The following SLC9A9 variants were observed in gnomAD, a reference collection of about 807,000 sequenced individuals.
SLC9A9 encodes the protein solute carrier family 9 member A9, also known as sodium/hydrogen exchanger 9.
In SLC9A9, 62 loss-of-function variants were observed where a neutral mutation model predicts 77.8. The observed-to-expected ratio is 0.80, with a 90% CI of 0.65 to 0.98. SLC9A9 has a LOEUF of 0.98. Ranked by LOEUF, SLC9A9 falls within the 50% of genes least tolerant of loss-of-function variation. The pLI is 0.00. For missense variants in SLC9A9, 775 were observed against 774.9 expected, an observed-to-expected ratio of 1.00 and a Z score of 0.00; for synonymous variants, 320 against 283.5, an observed-to-expected ratio of 1.13 and a Z score of -1.29.
At chr3:143,278,560 T>C (rs1938120458) in intron 14 of SLC9A9, among the ~76,000 whole-genome samples, 1 of 152,212 alleles carries the variant, frequency 6.6e-6, no homozygotes. Flanking sequence ...CAGCAATCCT[T>C]GGTGTTCCCT....
At chr3:143,489,331 A>G (rs1045209704) in intron 11 of SLC9A9, among the ~76,000 whole-genome samples, 3 of 151,984 alleles carry the variant, frequency 2.0e-5, no homozygotes, top group African/African-American at 7.2e-5. Context: ...TGCAAATTCA[A>G]TGCAGTCCCT....
chr3:143,828,552 C>T (rs1159766446), intron 2 of SLC9A9, among the ~76,000 whole-genome samples: 1 of 152,020 alleles, frequency 6.6e-6, no homozygotes, highest in Non-Finnish European at 1.5e-5. Flanking sequence ...GAAACAAGCA[C>T]ATACCTACCC....
At chr3:143,544,396 T>G (rs1483561972) in intron 9 of SLC9A9, among the ~76,000 whole-genome samples, 5 of 152,002 alleles carry the variant, frequency 3.3e-5, no homozygotes, top group African/African-American at 1.2e-4. Flanking sequence ...TCGGCTAATT[T>G]TTTTGTATTT....
intron 12 of SLC9A9, among the ~76,000 whole-genome samples, chr3:143,465,320 A>G (rs2035264814): frequency 6.6e-6 from 1 of 152,200 alleles, no homozygotes; most frequent in African/African-American, 2.4e-5. Context: ...AAGCCCCACT[A>G]TAATACTCCC....
intron 5 of SLC9A9, among the ~76,000 whole-genome samples, chr3:143,652,993 T>C (rs1304789592): frequency 6.6e-6 from 1 of 152,152 alleles, no homozygotes; most frequent in African/African-American, 2.4e-5. Context: ...GGGTTCATCT[T>C]TGGACACATG....
intron 6 of SLC9A9, among the ~76,000 whole-genome samples, chr3:143,589,088 T>C (rs2037606073): frequency 6.6e-6 from 1 of 152,206 alleles, no homozygotes; most frequent in Middle Eastern, 3.2e-3. Context: ...TCCCCACGGT[T>C]GAAAATAGAG....
At chr3:143,725,851 C>T (rs1326107516) in intron 4 of SLC9A9, among the ~76,000 whole-genome samples, 3 of 150,096 alleles carry the variant, frequency 2.0e-5, no homozygotes, top group South Asian at 4.2e-4. Context: ...CTAACCTGCA[C>T]ATTGTGCACA....
chr3:143,612,490 C>T (rs2038038435), intron 6 of SLC9A9, among the ~76,000 whole-genome samples: 1 of 152,166 alleles, frequency 6.6e-6, no homozygotes, highest in Non-Finnish European at 1.5e-5. Context: ...CAACATGTTT[C>T]CAAGAGGCGT....
intron 14 of SLC9A9, among the ~76,000 whole-genome samples, chr3:143,317,875 C>T (rs542901165): frequency 1.3e-5 from 2 of 152,120 alleles, no homozygotes; most frequent in African/African-American, 2.4e-5. Context: ...CTACAGGCAC[C>T]CGCCACCACG....
chr3:143,441,528 T>C (rs2034734316), intron 12 of SLC9A9, among the ~76,000 whole-genome samples: 1 of 152,218 alleles, frequency 6.6e-6, no homozygotes, highest in East Asian at 1.9e-4. Context: ...CAAAGGCATC[T>C]TGGCAGTTAA....
At chr3:143,307,297 C>T (rs1049313467) in intron 14 of SLC9A9, among the ~76,000 whole-genome samples, 4 of 152,248 alleles carry the variant, frequency 2.6e-5, no homozygotes, top group African/African-American at 9.6e-5. Context: ...TACCAGCACA[C>T]CACTGGTTAA....
At chr3:143,819,796 A>C (rs933859156) in intron 2 of SLC9A9, among the ~76,000 whole-genome samples, 1 of 152,236 alleles carries the variant, frequency 6.6e-6, no homozygotes, top group East Asian at 1.9e-4. Flanking sequence ...ACAGTTTTAA[A>C]GTTTCCTTCA....
At chr3:143,598,727 A>G (rs913552761) in intron 6 of SLC9A9, among the ~76,000 whole-genome samples, 1 of 152,216 alleles carries the variant, frequency 6.6e-6, no homozygotes, top group African/African-American at 2.4e-5. Context: ...AAGCAAGTCA[A>G]CACAAGTTTT....
chr3:143,674,515 T>C (rs1208580258), intron 5 of SLC9A9, among the ~76,000 whole-genome samples: 1 of 152,174 alleles, frequency 6.6e-6, no homozygotes, highest in Non-Finnish European at 1.5e-5. Flanking sequence ...TGGTTCACAC[T>C]TCCCCTTGAA....
chr3:143,686,962 T>G (rs947257061), intron 5 of SLC9A9, among the ~76,000 whole-genome samples: 3 of 152,176 alleles, frequency 2.0e-5, no homozygotes, highest in African/African-American at 7.2e-5. Flanking sequence ...CTCTGTGTAT[T>G]TCTTTCTTTC....
At chr3:143,806,512 C>T (rs1055502143) in intron 2 of SLC9A9, among the ~76,000 whole-genome samples, 2 of 151,672 alleles carry the variant, frequency 1.3e-5, no homozygotes, top group African/African-American at 4.8e-5. Context: ...ATTTGCTCAA[C>T]TGGAAAAAAA....
chr3:143,655,655 T>C (rs1379390822), intron 5 of SLC9A9: 2 of 980,008 alleles, frequency 2.0e-6, no homozygotes, highest in African/African-American at 3.6e-5. Context: ...TATGATCTTA[T>C]GCTCAAGGAG....
At chr3:143,480,959 G>A (rs1171722148) in intron 11 of SLC9A9, among the ~76,000 whole-genome samples, 1 of 152,174 alleles carries the variant, frequency 6.6e-6, no homozygotes, top group Non-Finnish European at 1.5e-5. Flanking sequence ...CAGACTCTCA[G>A]CTAACTCTTG....
intron 11 of SLC9A9, among the ~76,000 whole-genome samples, chr3:143,489,005 A>C (rs1363606409): frequency 6.6e-6 from 1 of 151,978 alleles, no homozygotes; most frequent in African/African-American, 2.4e-5. Flanking sequence ...TTTCACAAAA[A>C]ACCTGTTAAA....
Sources: gnomAD v4.1 joint callset for allele counts (sites outside exome capture counted in the v4.1 genomes callset) on GRCh38, gnomAD v4.1.1 for gene constraint, MANE v1.5 for transcripts, NCBI Gene and HGNC (gene_info 2026-07-23, HGNC 2026-07-21) for gene names.